ANKMY1: variants seen among roughly 807,000 people sequenced by gnomAD.
The protein encoded by ANKMY1 is ankyrin repeat and MYND domain containing 1.
In ANKMY1, 98 loss-of-function variants were observed where a neutral mutation model predicts 102.0. That is an observed-to-expected ratio of 0.96 (90% CI 0.82 to 1.14). The LOEUF (loss-of-function observed/expected upper bound fraction) is 1.14, where lower values mean the gene tolerates loss of function less well. ANKMY1 is among the 50% of genes most tolerant of loss of function. The pLI is 0.00. For missense variants in ANKMY1, 1,330 were observed against 1,347.6 expected, an observed-to-expected ratio of 0.99 and a Z score of 0.20; for synonymous variants, 582 against 559.9, an observed-to-expected ratio of 1.04 and a Z score of -0.56.
In ANKMY1 at chr2:240,536,262, GAGAAA is replaced by G. The variant is rs568950582; in HGVS notation, c.481-6758_481-6754del. On this transcript the variant is annotated intron_variant, in intron 4 of 17. Coordinates refer to ENST00000401804, the MANE Select transcript of ANKMY1 (RefSeq NM_001282771.3). ...GAAGAAAACTAGAATATCAATAAGT[GAGAAA>G]AGAAAAGAAAATTCTTTTTTTTTCT... Among the ~76,000 whole-genome samples, 421 of 152,210 alleles carry G rather than the reference GAGAAA, an allele frequency of 2.8e-3. 1 individual carries two copies. The highest frequency in any genetic ancestry group is 4.2e-3 in the Non-Finnish European group (288 of 68,008).
At chr2:240,476,688 T>G (rs1446868869), downstream of ANKMY1, among the ~76,000 whole-genome samples, 1 of 152,218 alleles carries the variant, frequency 6.6e-6, no homozygotes, top group Non-Finnish European at 1.5e-5. Flanking sequence ...CGCCCATTGT[T>G]TGGGGATAGA....
intron 5 of ANKMY1, 177 bp from the exon 6 acceptor site, chr2:240,526,622 T>C: frequency 1.4e-6 from 2 of 1,451,004 alleles, no homozygotes; most frequent in Non-Finnish European, 1.8e-6. Context: ...CACAATCCAC[T>C]AGGTTGCACA....
intron 3 of ANKMY1, chr2:240,554,283 C>T (rs1263864640): frequency 6.6e-6 from 1 of 152,260 alleles, no homozygotes; most frequent in African/African-American, 2.4e-5. Flanking sequence ...TTGATGCCAC[C>T]CCCAGGGGCT....
chr2:240,538,552 C>A (rs992256489), intron 4 of ANKMY1, among the ~76,000 whole-genome samples: 1 of 152,172 alleles, frequency 6.6e-6, no homozygotes, highest in African/African-American at 2.4e-5. Context: ...GTGCCATGCC[C>A]GAGCGCCCCC....
At chr2:240,472,231 CCG>C in the ANKMY1 span, among the ~76,000 whole-genome samples, 3 of 124,684 alleles carry the variant, frequency 2.4e-5, no homozygotes, top group African/African-American at 5.7e-5. Flanking sequence ...CAATCCACGG[CCG>C]CACGCGGGGA....
At chr2:240,507,754 G>A in intron 12 of ANKMY1, 63 bp from the exon 13 acceptor site, 1 of 1,522,894 alleles carries the variant, frequency 6.6e-7, no homozygotes, top group Non-Finnish European at 8.9e-7. Context: ...AGAGGGGAAG[G>A]CCCCAGGGCT....
chr2:240,510,699 C>A (rs1194171654), intron 11 of ANKMY1, among the ~76,000 whole-genome samples: 2 of 152,282 alleles, frequency 1.3e-5, no homozygotes, highest in East Asian at 3.9e-4. Flanking sequence ...GGGAAAGGGA[C>A]CCCTTTCCCC....
At chr2:240,497,226 G>A (rs1050362157) in intron 15 of ANKMY1, among the ~76,000 whole-genome samples, 1 of 152,156 alleles carries the variant, frequency 6.6e-6, no homozygotes, top group Non-Finnish European at 1.5e-5. Flanking sequence ...GGATAAGAAT[G>A]GAGCTGCCAC....
chr2:240,500,392 C>T (rs78414006), intron 14 of ANKMY1, 60 bp downstream of exon 14: 21 of 1,511,204 alleles, frequency 1.4e-5, no homozygotes, highest in East Asian at 4.5e-5. Context: ...ATGCCCCAGC[C>T]GGGGGCCCTG....
intron 4 of ANKMY1, among the ~76,000 whole-genome samples, chr2:240,545,415 C>T (rs1440063124): frequency 6.6e-6 from 1 of 152,230 alleles, no homozygotes; most frequent in Non-Finnish European, 1.5e-5. Flanking sequence ...GGGGAAAAAG[C>T]AGAGCAGAAA....
chr2:240,559,578 C>G (rs1316369045), upstream of ANKMY1, among the ~76,000 whole-genome samples: 1 of 152,178 alleles, frequency 6.6e-6, no homozygotes, highest in East Asian at 1.9e-4. Context: ...TAATCAATGG[C>G]TCCCATGAAC....
At chr2:240,560,723 G>C, upstream of ANKMY1, 1 of 1,524,230 alleles carries the variant, frequency 6.6e-7, no homozygotes, top group Non-Finnish European at 8.7e-7. Flanking sequence ...GGGCCGCCTC[G>C]CCCGTACCTC....
rs561099217 is a variant in ANKMY1 at position 240,545,491 on chromosome 2, C to A, written c.480+7423G>T. 2.0e-5 allele frequency among the ~76,000 whole-genome samples: 3 copies of A among 152,210 alleles called. No homozygotes were observed. In the East Asian group the frequency reaches 5.8e-4, roughly 29 times the overall value. Reference sequence around the variant, plus strand: ...AAGGAACGCAGTTCCTCACCAGCAACGGAACAAAGCTGGACGGAGAATGAC... The same window carrying A: ...AAGGAACGCAGTTCCTCACCAGCAAAGGAACAAAGCTGGACGGAGAATGAC... On this transcript the variant is annotated intron_variant, in intron 4 of 17. Coordinates refer to ENST00000401804, the MANE Select transcript of ANKMY1 (RefSeq NM_001282771.3).
intron 15 of ANKMY1, among the ~76,000 whole-genome samples, chr2:240,497,217 G>A (rs541964171): frequency 6.6e-6 from 1 of 150,844 alleles, no homozygotes; most frequent in South Asian, 2.1e-4. Flanking sequence ...GGAAGCTGAG[G>A]ATAAGAATGG....
downstream of ANKMY1, among the ~76,000 whole-genome samples, chr2:240,479,008 G>A (rs1002299945): frequency 6.6e-6 from 1 of 152,190 alleles, no homozygotes; most frequent in Non-Finnish European, 1.5e-5. Flanking sequence ...AGGCAACACT[G>A]CTCCCTGTCA....
At chr2:240,473,124 A>T in the ANKMY1 span, among the ~76,000 whole-genome samples, 1 of 612 alleles carries the variant, frequency 1.6e-3, no homozygotes, top group African/African-American at 3.1e-3. Context: ...AACTCTGTCT[A>T]AAAAAAAAAA....
chr2:240,560,016 C>A (rs2092809509), upstream of ANKMY1: 1 of 152,332 alleles, frequency 6.6e-6, no homozygotes, highest in Admixed American at 6.5e-5. Context: ...ACAATGCTGA[C>A]CCCAATAAAT....
At position 240,524,044 on chromosome 2, in the gene ANKMY1, T is replaced by C. The variant is rs117603872; in HGVS notation, c.1673A>G (p.Glu558Gly). 2.3e-3 allele frequency: 3,684 copies of C among 1,614,020 alleles called. 116 individuals are homozygous for C. In the Admixed American group the frequency reaches 0.047, roughly 21 times the overall value. Residue 558 changes from glutamate (E) to glycine (G), a missense_variant, in exon 8 of 18, where the codon GAG (glutamate) becomes GGG (glycine). Transcript: ENST00000401804. Reference sequence around the variant, plus strand: ...GAAGTCGCACACACACACGTTGGACTCAAATTTCGTCTCAGCACTGCACAG... The same window carrying C: ...GAAGTCGCACACACACACGTTGGACCCAAATTTCGTCTCAGCACTGCACAG... ...GSLCSAETKF[E>G]SNVCVCDFSI...
At chr2:240,500,717 G>A in intron 13 of ANKMY1, 152 bp from the exon 14 acceptor site, 1 of 635,272 alleles carries the variant, frequency 1.6e-6, no homozygotes, top group Non-Finnish European at 2.8e-6. Flanking sequence ...AACGGGGAGA[G>A]GGAGATGGAG....
Sources: allele counts gnomAD v4.1 joint callset (sites outside exome capture counted in the v4.1 genomes callset), GRCh38; gene constraint gnomAD v4.1.1; transcripts MANE v1.5; gene names NCBI Gene and HGNC (gene_info 2026-07-23, HGNC 2026-07-21).